Variants in KPNA4 observed in about 807,000 individuals in gnomAD.
The protein encoded by KPNA4 is importin subunit alpha-3.
A neutral mutation model predicts 71.3 loss-of-function variants in KPNA4; 13 were observed. That is an observed-to-expected ratio of 0.18 (90% CI 0.12 to 0.29). The LOEUF (loss-of-function observed/expected upper bound fraction) is 0.29. Among genes scored for constraint, KPNA4 ranks in the 10% least tolerant of loss-of-function variants. The probability of loss-of-function intolerance (pLI) is 1.00; values close to 1 mark genes in which losing one functional copy is unlikely to be tolerated. For missense variants in KPNA4, 334 were observed against 603.2 expected (o/e 0.55, Z 4.67); for synonymous variants, 189 against 195.2 (o/e 0.97, Z 0.26).
chr3:160,509,852 T>C lies in KPNA4; in HGVS notation c.1157A>G (p.Lys386Arg), dbSNP rs867615718. ...LLDKGDFGTQKEAAWAISNLT... is the reference protein window; with the variant it reads ...LLDKGDFGTQREAAWAISNLT... ...GTTACTTATGGCCCAAGCAGCTTCT[T>C]TTTGAGTGCCAAAATCCCCCTGTAA... is the stretch of plus-strand genomic sequence containing the variant. The change falls in exon 14 of 17, where the codon AAA becomes AGA. Residue 386 changes from lysine to arginine, a missense_variant. By Grantham distance (26) the Lys-to-Arg change is conservative. Coordinates refer to ENST00000334256, the MANE Select transcript of KPNA4 (RefSeq NM_002268.5). 1 of 1,612,820 alleles carries C rather than the reference T, an allele frequency of 6.2e-7. No individual in the cohort carries two copies. Among genetic ancestry groups the C allele is most frequent in the South Asian group, 1.1e-5 (1 of 90,988 alleles).
At chr3:160,536,649 G>C in intron 2 of KPNA4, 147 bp downstream of exon 2, 2 of 447,992 alleles carry the variant, frequency 4.5e-6, no homozygotes, top group Non-Finnish European at 8.0e-6. Flanking sequence ...ATTTTAAAAA[G>C]TTTAACTAAA....
chr3:160,507,624 T>C (rs1183068902), intron 15 of KPNA4, among the ~76,000 whole-genome samples: 1 of 152,126 alleles, frequency 6.6e-6, no homozygotes, highest in African/African-American at 2.4e-5. Flanking sequence ...ATTTGCTGAA[T>C]GCTATTTCTG....
At chr3:160,531,085 C>T (rs1043554783) in intron 6 of KPNA4, 145 bp from the exon 7 acceptor site, 13 of 615,700 alleles carry the variant, frequency 2.1e-5, no homozygotes, top group Non-Finnish European at 3.4e-5. Context: ...TTTTAACCCT[C>T]AACAACTGTT....
rs565121860 is a variant in KPNA4 at position 160,530,191 on chromosome 3, C to T, written c.469+664G>A. Among the ~76,000 whole-genome samples, 15 of 149,608 alleles carry T rather than the reference C, an allele frequency of 1.0e-4. No individual in the cohort carries two copies. In the South Asian group the frequency reaches 1.9e-3, roughly 19 times the overall value. On this transcript the variant is annotated intron_variant, in intron 7 of 16. Transcript: ENST00000334256. ...AATCTCATTAAGAGAGGCTGAGGCC[C>T]GGTGTGGTGGCTCATGCCTATAATC...
At chr3:160,564,321 T>C (rs1722297680) in intron 1 of KPNA4, 1 of 152,002 alleles carries the variant, frequency 6.6e-6, no homozygotes, top group Admixed American at 6.6e-5. Flanking sequence ...GATGGTGCCA[T>C]TCCCTAGCCC....
chr3:160,537,274 T>C (rs866185116), intron 1 of KPNA4, among the ~76,000 whole-genome samples: 3 of 151,748 alleles, frequency 2.0e-5, no homozygotes, highest in African/African-American at 7.3e-5. Flanking sequence ...ACCCACAATT[T>C]CCTTATCTCA....
At position 160,495,964 on chromosome 3, in the gene KPNA4, G is replaced by T. The variant is rs1398266508; in HGVS notation, c.*6140C>A. 5 of 140,744 alleles carry T rather than the reference G, an allele frequency of 3.6e-5. No homozygotes were observed. The highest frequency in any genetic ancestry group is 1.3e-4 in the African/African-American group (5 of 37,704). The allele number at this position is 140,744 out of a possible 1,614,324, so 8.7% of individuals were successfully genotyped here. ...AAATACCCTCTTTAGCTGAGTCCAA[G>T]ACTTTGGATATTAGATTACTGTACC... is the stretch of plus-strand genomic sequence containing the variant. On this transcript the variant is annotated 3_prime_UTR_variant, in exon 17 of 17. Coordinates refer to ENST00000334256, the MANE Select transcript of KPNA4 (RefSeq NM_002268.5).
In KPNA4 at chr3:160,501,592, G is replaced by A. The variant is rs1720883245; in HGVS notation, c.*512C>T. ...GTGAAGAGCCCTAGATTTCAAAGAT[G>A]AACCTGGCTCTCCATCACTGAGCCA... is the stretch of plus-strand genomic sequence containing the variant. On this transcript the variant is annotated 3_prime_UTR_variant, in exon 17 of 17. Transcript: ENST00000334256. 1 of 152,636 alleles carries A rather than the reference G, an allele frequency of 6.6e-6. No individual in the cohort carries two copies. Among genetic ancestry groups the A allele is most frequent in the Non-Finnish European group, 1.5e-5 (1 of 68,042 alleles). 9.5% of individuals were successfully genotyped at this position (152,636 alleles called of 1,614,324 possible). A position where few individuals can be genotyped will look rare whatever the true frequency, so the allele number is the denominator to read the frequency against.
intron 1 of KPNA4, among the ~76,000 whole-genome samples, chr3:160,541,422 A>G (rs1002679550): frequency 1.3e-5 from 2 of 152,088 alleles, no homozygotes; most frequent in African/African-American, 4.8e-5. Context: ...TACCTTGGGA[A>G]GGTTAATACT....
intron 5 of KPNA4, among the ~76,000 whole-genome samples, chr3:160,533,356 C>T (rs1258912683): frequency 6.6e-6 from 1 of 151,830 alleles, no homozygotes; most frequent in African/African-American, 2.4e-5. Context: ...TTTTGCCTTT[C>T]CAATTAGCTT....
At chr3:160,539,455 G>T (rs748738260) in intron 1 of KPNA4, among the ~76,000 whole-genome samples, 4 of 152,166 alleles carry the variant, frequency 2.6e-5, no homozygotes, top group Non-Finnish European at 5.9e-5. Context: ...AAGTTAGATT[G>T]TTTGTCCAAA....
chr3:160,515,618 C>CTTT (rs112603907), intron 11 of KPNA4, 38 bp from the exon 12 acceptor site: 36 of 1,449,312 alleles, frequency 2.5e-5, no homozygotes, highest in South Asian at 3.6e-5. Flanking sequence ...ATGTGAAATC[C>CTTT]TTTTTTTTTT....
At chr3:160,550,145 T>G (rs1164437463) in intron 1 of KPNA4, among the ~76,000 whole-genome samples, 1 of 152,236 alleles carries the variant, frequency 6.6e-6, no homozygotes, top group Non-Finnish European at 1.5e-5. Flanking sequence ...TTGTGTCATC[T>G]GTGAACAGAG....
chr3:160,557,017 T>G (rs1397135727), intron 1 of KPNA4, among the ~76,000 whole-genome samples: 4 of 152,188 alleles, frequency 2.6e-5, no homozygotes, highest in African/African-American at 9.7e-5. Context: ...GGTCTCACTA[T>G]ACTGCCTAGG....
In KPNA4 at chr3:160,497,931, A is replaced by G. The variant is rs146968856; in HGVS notation, c.*4173T>C. 25 of 152,366 alleles carry G rather than the reference A, an allele frequency of 1.6e-4. No individual in the cohort carries two copies. The highest frequency in any genetic ancestry group is 1.4e-3 in the Admixed American group (22 of 15,304). The allele number at this position is 152,366 out of a possible 1,614,324, so 9.4% of individuals were successfully genotyped here. On this transcript the variant is annotated 3_prime_UTR_variant, in exon 17 of 17. Transcript: ENST00000334256. Reference sequence around the variant, plus strand: ...TTTCAAAACTCTTAGGCAAGCTTCTATAACAATGTTACCCATTCCTTAGTA... The same window carrying G: ...TTTCAAAACTCTTAGGCAAGCTTCTGTAACAATGTTACCCATTCCTTAGTA...
chr3:160,539,690 C>T (rs942470958), intron 1 of KPNA4, among the ~76,000 whole-genome samples: 7 of 152,138 alleles, frequency 4.6e-5, no homozygotes, highest in Non-Finnish European at 8.8e-5. Context: ...GTCTCAGGCA[C>T]AGAAAACAAT....
intron 12 of KPNA4, 150 bp downstream of exon 12, chr3:160,515,302 G>A: frequency 1.4e-5 from 11 of 782,696 alleles, no homozygotes; most frequent in Non-Finnish European, 2.2e-5. Flanking sequence ...TGCTTGTTAT[G>A]GAGAGTAAAA....
chr3:160,510,278 G>A (rs1024694697), intron 13 of KPNA4, among the ~76,000 whole-genome samples: 5 of 152,054 alleles, frequency 3.3e-5, no homozygotes, highest in East Asian at 1.9e-4. Flanking sequence ...TGATAAAGAT[G>A]TTATACATTG....
At chr3:160,559,459 CATA>C (rs1722201707) in intron 1 of KPNA4, among the ~76,000 whole-genome samples, 2 of 152,204 alleles carry the variant, frequency 1.3e-5, no homozygotes, top group South Asian at 2.1e-4. Context: ...AACTCAGTGA[CATA>C]ATGTTTTCCA....
Sources: allele counts gnomAD v4.1 joint callset (sites outside exome capture counted in the v4.1 genomes callset), GRCh38; gene constraint gnomAD v4.1.1; transcripts MANE v1.5; gene names NCBI Gene and HGNC (gene_info 2026-07-23, HGNC 2026-07-21).